The following PLCB4 variants were observed in gnomAD, a reference collection of about 807,000 sequenced individuals.
The protein encoded by PLCB4 is phospholipase C beta 4, also known as 1-phosphatidylinositol 4,5-bisphosphate phosphodiesterase beta-4.
PLCB4 carries 77 observed loss-of-function variants against 178.8 expected under a neutral mutation model. The observed-to-expected ratio is 0.43, with a 90% confidence interval of 0.36 to 0.52. The LOEUF is 0.52. PLCB4 is among the 20% of genes least tolerant of loss of function. PLCB4 has a pLI of 0.00. For missense variants in PLCB4, 1,024 were observed against 1,453.4 expected (o/e 0.70, Z 4.80); for synonymous variants, 496 against 490.8 (o/e 1.01, Z -0.14).
chr20:9,314,872 A>AT (rs113478542), intron 4 of PLCB4, among the ~76,000 whole-genome samples: 2,550 of 141,184 alleles, frequency 0.018, 21 homozygotes, highest in African/African-American at 0.03. Flanking sequence ...GGGTAGAGGA[A>AT]TTTTTTTTTT....
rs867961244 is a variant in PLCB4, at chr20:9,407,378, T to C, written c.1648-539T>C. Reference sequence around the variant, plus strand: ...AGGTCCAATATAGTAATTTCTTTTTTTTTTTTTTTGAGATGGAGTCTTGCT... The same window carrying C: ...AGGTCCAATATAGTAATTTCTTTTTCTTTTTTTTTGAGATGGAGTCTTGCT... On this transcript the variant is annotated intron_variant, in intron 21 of 39. Coordinates refer to ENST00000378473, the MANE Select transcript of PLCB4 (RefSeq NM_001377142.1). Among the ~76,000 whole-genome samples the C allele has an allele frequency of 1.5e-3, 234 of 152,046 alleles. 1 individual carries two copies. The highest frequency in any genetic ancestry group is 5.3e-3 in the African/African-American group (219 of 41,472).
chr20:9,074,803 TTTTTAAACAAAACAAAACAAAACAAAACA>T (rs1162540649), intron 1 of PLCB4, among the ~76,000 whole-genome samples: 2 of 127,166 alleles, frequency 1.6e-5, no homozygotes, highest in South Asian at 3.1e-4. Flanking sequence ...TTTTTTTTTT[TTTTTAAACAAAACAAAACAAAACAAAACA>T]AAACAAAACA....
At chr20:9,089,024 C>A (rs150786321) in intron 1 of PLCB4, among the ~76,000 whole-genome samples, 1 of 151,534 alleles carries the variant, frequency 6.6e-6, no homozygotes, top group African/African-American at 2.4e-5. Context: ...TAATAAATAG[C>A]ACAGATAAAG....
chr20:9,139,352 C>G lies in PLCB4; in HGVS notation c.-79+43010C>G, dbSNP rs75926936. ...GTTTCATGTGGTGTTGGCTGGGGCT[C>G]AAATTCTCTGGGGGTTCATATGAGC... On this transcript the variant is annotated intron_variant, in intron 2 of 39. Transcript: ENST00000378473. Among the ~76,000 whole-genome samples the G allele has an allele frequency of 2.3e-3, 343 of 152,158 alleles. 1 individual carries two copies. Among genetic ancestry groups the G allele is most frequent in the African/African-American group, 7.8e-3 (325 of 41,536 alleles).
chr20:9,248,656 C>T (rs1427303972), intron 3 of PLCB4, among the ~76,000 whole-genome samples: 1 of 152,100 alleles, frequency 6.6e-6, no homozygotes, highest in African/African-American at 2.4e-5. Flanking sequence ...TTAAATCTGA[C>T]CTACTGACTC....
At chr20:9,199,287 A>T (rs746764025) in intron 2 of PLCB4, among the ~76,000 whole-genome samples, 3 of 152,170 alleles carry the variant, frequency 2.0e-5, no homozygotes. Flanking sequence ...GGAAAGAAGG[A>T]TATAAAAATG....
intron 3 of PLCB4, among the ~76,000 whole-genome samples, chr20:9,274,311 G>A (rs1601554763): frequency 2.6e-5 from 4 of 152,036 alleles, no homozygotes; most frequent in Admixed American, 2.0e-4. Context: ...TTGTGGTGGC[G>A]AATACTTTCA....
chr20:9,220,193 C>A (rs1475754851), intron 3 of PLCB4, among the ~76,000 whole-genome samples: 3 of 152,176 alleles, frequency 2.0e-5, no homozygotes, highest in Non-Finnish European at 4.4e-5. Context: ...TTAGTCCAAT[C>A]AAAAACTGCT....
chr20:9,334,986 T>C (rs2032246942), intron 4 of PLCB4, among the ~76,000 whole-genome samples: 1 of 152,126 alleles, frequency 6.6e-6, no homozygotes, highest in Admixed American at 6.6e-5. Context: ...CCCATTCTTA[T>C]TTATTATTTG....
intron 2 of PLCB4, among the ~76,000 whole-genome samples, chr20:9,166,099 A>C (rs2092966010): frequency 6.6e-6 from 1 of 152,214 alleles, no homozygotes; most frequent in Admixed American, 6.5e-5. Flanking sequence ...AACAGAGATT[A>C]TGAATATATT....
At chr20:9,213,244 A>G (rs1158022790) in intron 2 of PLCB4, among the ~76,000 whole-genome samples, 2 of 145,120 alleles carry the variant, frequency 1.4e-5, no homozygotes, top group Non-Finnish European at 3.0e-5. Flanking sequence ...TCCCAGGTTC[A>G]AGCAGTTCTC....
intron 35 of PLCB4, among the ~76,000 whole-genome samples, chr20:9,467,615 A>T (rs919489908): frequency 1.3e-5 from 2 of 152,186 alleles, no homozygotes; most frequent in African/African-American, 4.8e-5. Context: ...GTGTTTGTTG[A>T]ATGAATGAAT....
intron 3 of PLCB4, among the ~76,000 whole-genome samples, chr20:9,266,371 T>G (rs1044123522): frequency 1.3e-5 from 2 of 152,226 alleles, no homozygotes; most frequent in African/African-American, 4.8e-5. Flanking sequence ...ATAAAGATGT[T>G]AAGACCATAA....
intron 32 of PLCB4, among the ~76,000 whole-genome samples, chr20:9,451,394 T>G (rs1176960339): frequency 6.6e-6 from 1 of 152,206 alleles, no homozygotes; most frequent in Non-Finnish European, 1.5e-5. Context: ...ATTTGCAAGA[T>G]AATATAGGAC....
At chr20:9,085,453 T>C (rs567803733) in intron 1 of PLCB4, among the ~76,000 whole-genome samples, 1 of 152,348 alleles carries the variant, frequency 6.6e-6, no homozygotes, top group Admixed American at 6.5e-5. Flanking sequence ...ATATGTAAGA[T>C]GAGGACATGG....
At chr20:9,428,974 G>A (rs989226435) in intron 28 of PLCB4, among the ~76,000 whole-genome samples, 5 of 152,184 alleles carry the variant, frequency 3.3e-5, no homozygotes, top group African/African-American at 9.6e-5. Flanking sequence ...AAGTCAGGAA[G>A]CATGGCAGGG....
At chr20:9,325,179 A>G (rs1019677105) in intron 4 of PLCB4, among the ~76,000 whole-genome samples, 1 of 152,240 alleles carries the variant, frequency 6.6e-6, no homozygotes, top group African/African-American at 2.4e-5. Context: ...ACTACAAAGC[A>G]CGTCTCCTGT....
At chr20:9,339,678 A>T (rs1196634854) in intron 7 of PLCB4, among the ~76,000 whole-genome samples, 1 of 152,154 alleles carries the variant, frequency 6.6e-6, no homozygotes, top group African/African-American at 2.4e-5. Flanking sequence ...TGTATTTTCA[A>T]ATCAGACTAA....
chr20:9,408,177 A>T, intron 22 of PLCB4, 119 bp downstream of exon 22: 1 of 825,736 alleles, frequency 1.2e-6, no homozygotes, highest in Non-Finnish European at 1.9e-6. Flanking sequence ...GTTCCACCTC[A>T]CCTTATTTTT....
Sources: gnomAD v4.1 joint callset for allele counts (sites outside exome capture counted in the v4.1 genomes callset) on GRCh38, gnomAD v4.1.1 for gene constraint, MANE v1.5 for transcripts, NCBI Gene and HGNC (gene_info 2026-07-23, HGNC 2026-07-21) for gene names.